SORCS2: variants seen among roughly 807,000 people sequenced by gnomAD.
SORCS2 encodes the protein sortilin related VPS10 domain containing receptor 2.
A neutral mutation model predicts 141.6 loss-of-function variants in SORCS2; 100 were observed. The observed-to-expected ratio is 0.71, with a 90% CI of 0.60 to 0.83. The LOEUF (loss-of-function observed/expected upper bound fraction) is 0.83, where lower values mean the gene tolerates loss of function less well. Ranked by LOEUF, SORCS2 falls within the 40% of genes least tolerant of loss-of-function variation. The pLI is 0.00. For synonymous variants in SORCS2, 789 were observed against 676.9 expected, an observed-to-expected ratio of 1.17 and a Z score of -2.57; for missense variants, 1,646 against 1,560.2, an observed-to-expected ratio of 1.05 and a Z score of -0.93.
chr4:7,530,568 C>T (rs1434405339), intron 2 of SORCS2, among the ~76,000 whole-genome samples: 1 of 152,254 alleles, frequency 6.6e-6, no homozygotes, highest in African/African-American at 2.4e-5. Context: ...ATGTGAAATG[C>T]TTCCCCGAGC....
At chr4:7,675,272 C>A (rs1027602944) in intron 8 of SORCS2, among the ~76,000 whole-genome samples, 2 of 152,228 alleles carry the variant, frequency 1.3e-5, no homozygotes, top group East Asian at 3.8e-4. Flanking sequence ...TGAGTGGAAA[C>A]CGAGGCTGGG....
At chr4:7,370,620 A>G (rs1722189164) in intron 1 of SORCS2, among the ~76,000 whole-genome samples, 1 of 152,188 alleles carries the variant, frequency 6.6e-6, no homozygotes, top group Admixed American at 6.5e-5. Context: ...GTTGCCCATC[A>G]TCCTTGTGGG....
At chr4:7,659,825 C>A (rs1424886014) in intron 5 of SORCS2, among the ~76,000 whole-genome samples, 2 of 151,396 alleles carry the variant, frequency 1.3e-5, no homozygotes, top group Non-Finnish European at 2.9e-5. Flanking sequence ...TGTACTTCTC[C>A]CCCCCACCAC....
chr4:7,490,351 G>T (rs1318402969), intron 2 of SORCS2, among the ~76,000 whole-genome samples: 1 of 152,140 alleles, frequency 6.6e-6, no homozygotes, highest in Admixed American at 6.5e-5. Flanking sequence ...GTCCAGTGTA[G>T]GGGGTGAGGC....
chr4:7,591,217 C>G (rs1473824713), intron 3 of SORCS2, among the ~76,000 whole-genome samples: 1 of 152,212 alleles, frequency 6.6e-6, no homozygotes, highest in African/African-American at 2.4e-5. Flanking sequence ...TTGTGCTCAG[C>G]CTCCTCGCGC....
chr4:7,361,892 A>G (rs551972087), intron 1 of SORCS2, among the ~76,000 whole-genome samples: 19 of 134,544 alleles, frequency 1.4e-4, no homozygotes, highest in Non-Finnish European at 2.5e-4. Flanking sequence ...GAGCACAGTG[A>G]GAAGCGGTGG....
intron 1 of SORCS2, among the ~76,000 whole-genome samples, chr4:7,354,682 C>T (rs930532776): frequency 2.6e-5 from 4 of 152,110 alleles, no homozygotes; most frequent in South Asian, 2.1e-4. Context: ...GCTCTGCTAG[C>T]GTGGGGTGGA....
intron 2 of SORCS2, 94 bp from the exon 3 acceptor site, chr4:7,531,436 G>C (rs754661659): frequency 8.3e-6 from 10 of 1,211,008 alleles, no homozygotes; most frequent in Admixed American, 2.0e-5. Flanking sequence ...CACTCGGCCC[G>C]CACGGGCACA....
chr4:7,440,797 C>T (rs1727612563), intron 2 of SORCS2, among the ~76,000 whole-genome samples: 1 of 152,192 alleles, frequency 6.6e-6, no homozygotes, highest in Non-Finnish European at 1.5e-5. Context: ...CCACATGGGG[C>T]CTCGAGGGTG....
intron 9 of SORCS2, among the ~76,000 whole-genome samples, chr4:7,682,254 T>C (rs976577081): frequency 2.6e-5 from 4 of 152,170 alleles, no homozygotes; most frequent in Admixed American, 6.5e-5. Flanking sequence ...CCTGTCTTCA[T>C]TCCTTGGCAT....
chr4:7,616,232 AC>A (rs1766226099), intron 3 of SORCS2, among the ~76,000 whole-genome samples: 1 of 151,838 alleles, frequency 6.6e-6, no homozygotes, highest in African/African-American at 2.4e-5. Flanking sequence ...TGATCCTCCC[AC>A]TCCTGGCTGA....
chr4:7,203,555 A>G (rs1416289833), intron 1 of SORCS2, among the ~76,000 whole-genome samples: 2 of 148,818 alleles, frequency 1.3e-5, no homozygotes, highest in Non-Finnish European at 3.0e-5. Context: ...CGGAGATTGC[A>G]GTGAGCCGAG....
chr4:7,724,126 G>GGTGGTGATGGTC (rs1726808035), intron 19 of SORCS2, among the ~76,000 whole-genome samples: 3 of 139,002 alleles, frequency 2.2e-5, no homozygotes, highest in African/African-American at 9.0e-5. Context: ...TGGTGGTGGT[G>GGTGGTGATGGTC]GTGGTGGTGG....
At position 7,695,691 on chromosome 4, in the gene SORCS2, G is replaced by A. The variant is rs1329431710; in HGVS notation, c.1592-1507G>A. Reference sequence around the variant, plus strand: ...GGATGGATGGATGGATGGATGGGTGGATTGGTGGGTGGGTGGATGGATGGA... The same window carrying A: ...GGATGGATGGATGGATGGATGGGTGAATTGGTGGGTGGGTGGATGGATGGA... On this transcript the variant is annotated intron_variant, in intron 11 of 26. Coordinates refer to ENST00000507866, the MANE Select transcript of SORCS2 (RefSeq NM_020777.3). 5.1e-4 allele frequency among the ~76,000 whole-genome samples: 21 copies of A among 40,842 alleles called. 8 individuals carry two copies. The highest frequency in any genetic ancestry group is 2.4e-3 in the African/African-American group (21 of 8,646). The allele number at this position is 40,842 out of a possible 152,430, so 26.8% of individuals were successfully genotyped here.
At position 7,451,615 on chromosome 4, in the gene SORCS2, C is replaced by T. The variant is rs549338514; in HGVS notation, c.548+55260C>T. ...CTGTGGGCACACAGGGCAGGGCAAG[C>T]CTTAGTGGCATGCAGTCTGCCCATG... On this transcript the variant is annotated intron_variant, in intron 2 of 26. Transcript: ENST00000507866. 3.3e-5 allele frequency among the ~76,000 whole-genome samples: 5 copies of T among 152,388 alleles called. No homozygotes were observed. In the South Asian group the frequency reaches 1.0e-3, roughly 32 times the overall value.
chr4:7,580,406 C>T (rs1044287066), intron 3 of SORCS2, among the ~76,000 whole-genome samples: 1 of 151,972 alleles, frequency 6.6e-6, no homozygotes, highest in Non-Finnish European at 1.5e-5. Flanking sequence ...ATGAGAATCG[C>T]TTGAACCTGG....
chr4:7,422,331 C>T (rs544202467), intron 2 of SORCS2, among the ~76,000 whole-genome samples: 12 of 152,280 alleles, frequency 7.9e-5, no homozygotes, highest in Admixed American at 1.3e-4. Context: ...ATGTGCTGCC[C>T]GGAGCCTGCA....
chr4:7,586,305 C>T (rs1347170808), intron 3 of SORCS2, among the ~76,000 whole-genome samples: 1 of 152,094 alleles, frequency 6.6e-6, no homozygotes, highest in Admixed American at 6.6e-5. Flanking sequence ...TTTCACTGCC[C>T]CCAATGACGA....
intron 3 of SORCS2, among the ~76,000 whole-genome samples, chr4:7,542,292 G>A (rs992262205): frequency 1.3e-5 from 2 of 152,202 alleles, no homozygotes; most frequent in African/African-American, 2.4e-5. Flanking sequence ...AAATATGTCC[G>A]TGTCATAACT....
Sources: allele counts gnomAD v4.1 joint callset (sites outside exome capture counted in the v4.1 genomes callset), GRCh38; gene constraint gnomAD v4.1.1; transcripts MANE v1.5; gene names NCBI Gene and HGNC (gene_info 2026-07-23, HGNC 2026-07-21).